Variants in WWOX observed in about 807,000 individuals in gnomAD.
WWOX encodes WW domain-containing oxidoreductase.
In WWOX, 69 loss-of-function variants were observed where a neutral mutation model predicts 46.2. The ratio of observed to expected loss-of-function variants is 1.49; its 90% CI spans 1.23 to 1.82. The LOEUF is 1.82. Ranked by LOEUF, WWOX falls within the 40% of genes most tolerant of loss-of-function variation. The pLI is 0.00. For missense variants in WWOX, 919 were observed against 542.6 expected (o/e 1.69, Z -6.89); for synonymous variants, 359 against 202.6 (o/e 1.77, Z -6.56).
chr16:78,962,518 A>C (rs185201551), intron 8 of WWOX, among the ~76,000 whole-genome samples: 5 of 152,166 alleles, frequency 3.3e-5, no homozygotes, highest in Admixed American at 2.6e-4. Flanking sequence ...GGCTTAAATA[A>C]TGTATTCTGT....
chr16:78,319,884 A>T (rs1344145925), intron 5 of WWOX, among the ~76,000 whole-genome samples: 1 of 152,106 alleles, frequency 6.6e-6, no homozygotes, highest in Non-Finnish European at 1.5e-5. Context: ...TCTGCCTGGG[A>T]GGCACTTTTT....
chr16:78,459,703 T>G (rs932447749), intron 8 of WWOX, among the ~76,000 whole-genome samples: 1 of 152,210 alleles, frequency 6.6e-6, no homozygotes. Context: ...TAAATGCAGT[T>G]AAGTATTTAA....
At chr16:78,949,732 C>T (rs988825351) in intron 8 of WWOX, among the ~76,000 whole-genome samples, 4 of 152,158 alleles carry the variant, frequency 2.6e-5, no homozygotes, top group Non-Finnish European at 4.4e-5. Flanking sequence ...ATCTACCTTG[C>T]GGGGCAAACA....
At chr16:79,155,178 C>T (rs1210323570) in intron 8 of WWOX, among the ~76,000 whole-genome samples, 1 of 152,030 alleles carries the variant, frequency 6.6e-6, no homozygotes. Context: ...GAGATGGAAA[C>T]CATTCTGGCC....
chr16:79,126,160 A>G (rs2049749606), intron 8 of WWOX, among the ~76,000 whole-genome samples: 1 of 152,026 alleles, frequency 6.6e-6, no homozygotes, highest in African/African-American at 2.4e-5. Flanking sequence ...GTCATTCTGG[A>G]TGATGTGATG....
intron 8 of WWOX, among the ~76,000 whole-genome samples, chr16:79,026,585 A>G (rs2047646779): frequency 6.7e-6 from 1 of 149,348 alleles, no homozygotes; most frequent in African/African-American, 2.5e-5. Flanking sequence ...TCTAGGGGAG[A>G]GAACACAGAG....
At chr16:78,834,074 A>G (rs1044987347) in intron 8 of WWOX, among the ~76,000 whole-genome samples, 2 of 152,232 alleles carry the variant, frequency 1.3e-5, no homozygotes, top group Admixed American at 6.5e-5. Flanking sequence ...TCACACATGC[A>G]TCCCAAGTCC....
intron 8 of WWOX, among the ~76,000 whole-genome samples, chr16:79,117,211 G>C (rs764115961): frequency 6.6e-6 from 1 of 151,972 alleles, no homozygotes; most frequent in South Asian, 2.1e-4. Context: ...CAATTTCACC[G>C]TGTTGCCCAG....
chr16:78,876,317 C>A (rs2044232842), intron 8 of WWOX, among the ~76,000 whole-genome samples: 1 of 151,680 alleles, frequency 6.6e-6, no homozygotes, highest in Non-Finnish European at 1.5e-5. Context: ...TGCTTATGGC[C>A]ATGCCCTTTC....
intron 8 of WWOX, among the ~76,000 whole-genome samples, chr16:78,824,618 G>A (rs1392255248): frequency 2.0e-5 from 3 of 152,148 alleles, no homozygotes; most frequent in African/African-American, 7.2e-5. Flanking sequence ...GGAGGTGAAA[G>A]GCACTTCTTA....
intron 8 of WWOX, among the ~76,000 whole-genome samples, chr16:78,511,000 G>C (rs559824467): frequency 6.6e-6 from 1 of 152,330 alleles, no homozygotes; most frequent in African/African-American, 2.4e-5. Context: ...TACCCCACGT[G>C]TCCAGCAGCA....
intron 8 of WWOX, among the ~76,000 whole-genome samples, chr16:78,795,838 G>A (rs921416301): frequency 3.9e-5 from 6 of 152,072 alleles, no homozygotes; most frequent in Admixed American, 1.3e-4. Flanking sequence ...AGAGTGGCTA[G>A]CGTATAGTGA....
chr16:78,324,169 T>G (rs1216348141), intron 5 of WWOX, among the ~76,000 whole-genome samples: 2 of 152,132 alleles, frequency 1.3e-5, no homozygotes, highest in African/African-American at 4.8e-5. Context: ...CAGGTCATGC[T>G]GCTTTCCTCA....
At chr16:78,442,396 A>G (rs1417429417) in intron 8 of WWOX, among the ~76,000 whole-genome samples, 1 of 152,026 alleles carries the variant, frequency 6.6e-6, no homozygotes, top group Non-Finnish European at 1.5e-5. Context: ...CATTCTGTCT[A>G]ACTGAAACTT....
chr16:78,785,853 A>T (rs924036043), intron 8 of WWOX, among the ~76,000 whole-genome samples: 2 of 151,976 alleles, frequency 1.3e-5, no homozygotes, highest in Non-Finnish European at 2.9e-5. Flanking sequence ...TGCTACTCAT[A>T]ATGTAGCATC....
At chr16:78,126,676 A>G (rs1445251093) in intron 4 of WWOX, among the ~76,000 whole-genome samples, 1 of 152,218 alleles carries the variant, frequency 6.6e-6, no homozygotes, top group Non-Finnish European at 1.5e-5. Context: ...AAATTGGCCT[A>G]ACTCCTCAGT....
At chr16:78,416,920 T>C (rs111581493) in intron 6 of WWOX, among the ~76,000 whole-genome samples, 6 of 152,266 alleles carry the variant, frequency 3.9e-5, no homozygotes, top group African/African-American at 1.2e-4. Context: ...ATGAGTCAGG[T>C]AAGGAAAATA....
intron 8 of WWOX, chr16:78,757,100 A>G (rs2049669958): frequency 4.3e-6 from 3 of 689,916 alleles, no homozygotes; most frequent in African/African-American, 1.8e-5. Flanking sequence ...CTTGACTGGA[A>G]CTTTATTTGA....
intron 8 of WWOX, among the ~76,000 whole-genome samples, chr16:78,798,355 C>G (rs1340434031): frequency 6.6e-6 from 1 of 151,998 alleles, no homozygotes; most frequent in Non-Finnish European, 1.5e-5. Context: ...AGCTAGAGGT[C>G]AGATGTCAAA....
Sources: allele counts gnomAD v4.1 joint callset (sites outside exome capture counted in the v4.1 genomes callset), GRCh38; gene constraint gnomAD v4.1.1; transcripts MANE v1.5; gene names NCBI Gene and HGNC (gene_info 2026-07-23, HGNC 2026-07-21).